The following TESK2 variants were observed in gnomAD, a reference collection of about 807,000 sequenced individuals.
TESK2 encodes testis associated actin remodelling kinase 2.
A neutral mutation model predicts 57.1 loss-of-function variants in TESK2; 39 were observed. The ratio of observed to expected loss-of-function variants is 0.68; its 90% confidence interval spans 0.53 to 0.89. The LOEUF (loss-of-function observed/expected upper bound fraction) is 0.89, where lower values mean the gene tolerates loss of function less well. Ranked by LOEUF, TESK2 falls within the 40% of genes least tolerant of loss-of-function variation. TESK2 has a pLI of 0.00. For synonymous variants in TESK2, 249 were observed against 267.9 expected, an observed-to-expected ratio of 0.93 and a Z score of 0.69; for missense variants, 646 against 732.1, an observed-to-expected ratio of 0.88 and a Z score of 1.36.
At chr1:45,360,878 C>T (rs934949088) in intron 4 of TESK2, among the ~76,000 whole-genome samples, 7 of 152,164 alleles carry the variant, frequency 4.6e-5, no homozygotes, top group African/African-American at 1.2e-4. Flanking sequence ...AGTGCAGTGG[C>T]GCCATCTCGG....
chr1:45,390,681 T>C (rs576957980), intron 3 of TESK2, among the ~76,000 whole-genome samples: 1 of 151,090 alleles, frequency 6.6e-6, no homozygotes, highest in Admixed American at 6.6e-5. Context: ...GCTCAAGCAA[T>C]CCTCCCACCT....
chr1:45,454,428 T>A (rs1651991464), intron 2 of TESK2, among the ~76,000 whole-genome samples: 1 of 151,892 alleles, frequency 6.6e-6, no homozygotes, highest in African/African-American at 2.4e-5. Flanking sequence ...ATTTTTTATT[T>A]TTTTATTATT....
At chr1:45,475,368 G>A (rs988710856) in intron 1 of TESK2, among the ~76,000 whole-genome samples, 2 of 151,880 alleles carry the variant, frequency 1.3e-5, no homozygotes, top group African/African-American at 4.8e-5. Context: ...CACCACGCCT[G>A]GCTAATTTTT....
rs5773871 is a variant in TESK2 at position 45,394,679 on chromosome 1, C to CTTTTTTTT, written c.345-8727_345-8720dup. Reference sequence around the variant, plus strand: ...AAGATAGTAAGACCAACAGGAAACTCTTTTTTTTTTTTTTTTTTTTTTTTT... The same window carrying CTTTTTTTT: ...AAGATAGTAAGACCAACAGGAAACTCTTTTTTTTTTTTTTTTTTTTTTTTTTTTTTTTT... On this transcript the variant is annotated intron_variant, in intron 3 of 10. Transcript: ENST00000372086. Among the ~76,000 whole-genome samples the CTTTTTTTT allele has an allele frequency of 1.8e-3, 101 of 57,420 alleles. 8 individuals are homozygous for CTTTTTTTT. Among genetic ancestry groups the CTTTTTTTT allele is most frequent in the Non-Finnish European group, 2.0e-3 (68 of 33,584 alleles). 37.7% of individuals were successfully genotyped at this position (57,420 alleles called of 152,430 possible). A position where few individuals can be genotyped will look rare whatever the true frequency, so the allele number is the denominator to read the frequency against.
At chr1:45,442,854 C>T (rs973412453) in intron 2 of TESK2, among the ~76,000 whole-genome samples, 1 of 152,146 alleles carries the variant, frequency 6.6e-6, no homozygotes, top group Admixed American at 6.6e-5. Flanking sequence ...GGCGTGATCT[C>T]GGCTTACTGC....
chr1:45,427,748 T>C (rs1650756217), intron 2 of TESK2, among the ~76,000 whole-genome samples: 1 of 152,138 alleles, frequency 6.6e-6, no homozygotes, highest in Non-Finnish European at 1.5e-5. Context: ...ATGATGATGG[T>C]TAACAGAGGC....
chr1:45,419,166 C>CG (rs2149286108), intron 3 of TESK2, among the ~76,000 whole-genome samples: 1 of 151,860 alleles, frequency 6.6e-6, no homozygotes, highest in Non-Finnish European at 1.5e-5. Flanking sequence ...TTAGTAGAGA[C>CG]GGGGTTTCAC....
intron 1 of TESK2, among the ~76,000 whole-genome samples, chr1:45,458,324 G>C (rs1652194662): frequency 6.6e-6 from 1 of 152,160 alleles, no homozygotes; most frequent in Non-Finnish European, 1.5e-5. Flanking sequence ...CAGCACTTTG[G>C]GAGGCCAAGG....
intron 3 of TESK2, among the ~76,000 whole-genome samples, chr1:45,406,602 C>A (rs994576128): frequency 2.6e-5 from 4 of 151,810 alleles, no homozygotes; most frequent in African/African-American, 9.7e-5. Context: ...CTGCAGTAAC[C>A]CATGATCACA....
At chr1:45,389,355 G>A (rs1488525646) in intron 3 of TESK2, among the ~76,000 whole-genome samples, 4 of 152,136 alleles carry the variant, frequency 2.6e-5, no homozygotes, top group African/African-American at 9.7e-5. Flanking sequence ...TGAGGCTGCA[G>A]TGAGCTGAGA....
chr1:45,392,100 C>T (rs546338625), intron 3 of TESK2, among the ~76,000 whole-genome samples: 7 of 149,998 alleles, frequency 4.7e-5, no homozygotes, highest in Non-Finnish European at 1.0e-4. Context: ...GATTGATTGA[C>T]TGATTGAGAC....
intron 3 of TESK2, among the ~76,000 whole-genome samples, chr1:45,391,165 C>G (rs1484189787): frequency 1.3e-5 from 2 of 151,356 alleles, no homozygotes; most frequent in African/African-American, 4.9e-5. Flanking sequence ...ATCCGCCCCC[C>G]TCAGCCTCCC....
At chr1:45,395,138 T>TA (rs1268342486) in intron 3 of TESK2, among the ~76,000 whole-genome samples, 1 of 152,228 alleles carries the variant, frequency 6.6e-6, no homozygotes, top group African/African-American at 2.4e-5. Context: ...CTGTTCCCAC[T>TA]ACCTAAAATG....
intron 3 of TESK2, among the ~76,000 whole-genome samples, chr1:45,388,748 T>C (rs1318255179): frequency 3.5e-5 from 4 of 115,196 alleles, no homozygotes; most frequent in Non-Finnish European, 6.7e-5. Context: ...TGAGACGGAG[T>C]CTCATTCTGT....
At chr1:45,473,775 C>T (rs1652865241) in intron 1 of TESK2, among the ~76,000 whole-genome samples, 1 of 151,686 alleles carries the variant, frequency 6.6e-6, no homozygotes, top group Non-Finnish European at 1.5e-5. Flanking sequence ...TTGAACAAAC[C>T]AGCTATAAAA....
intron 3 of TESK2, among the ~76,000 whole-genome samples, chr1:45,393,458 A>G (rs1289501659): frequency 2.6e-5 from 4 of 152,104 alleles, no homozygotes; most frequent in Admixed American, 2.6e-4. Flanking sequence ...TTGGAAAAAG[A>G]GCGGCCGGGC....
chr1:45,464,428 A>T (rs1490401809), intron 1 of TESK2, among the ~76,000 whole-genome samples: 3 of 152,080 alleles, frequency 2.0e-5, no homozygotes, highest in Admixed American at 2.0e-4. Flanking sequence ...TGGATAAAAA[A>T]AAAAAAAAAA....
intron 4 of TESK2, among the ~76,000 whole-genome samples, chr1:45,374,272 T>C (rs1648318245): frequency 6.6e-6 from 1 of 152,238 alleles, no homozygotes. Context: ...AAATATTTAT[T>C]GCATGCCTTT....
intron 2 of TESK2, among the ~76,000 whole-genome samples, chr1:45,423,234 C>G (rs1452862904): frequency 6.6e-6 from 1 of 152,026 alleles, no homozygotes; most frequent in Non-Finnish European, 1.5e-5. Flanking sequence ...GATGCTAAAC[C>G]CACATACTCA....
Sources: gnomAD v4.1 joint callset for allele counts (sites outside exome capture counted in the v4.1 genomes callset) on GRCh38, gnomAD v4.1.1 for gene constraint, MANE v1.5 for transcripts, NCBI Gene and HGNC (gene_info 2026-07-23, HGNC 2026-07-21) for gene names.